The following GRM5 variants were observed in gnomAD, a reference collection of about 807,000 sequenced individuals.
The protein encoded by GRM5 is metabotropic glutamate receptor 5.
In GRM5, 19 loss-of-function variants were observed where a neutral mutation model predicts 83.1. The observed-to-expected ratio is 0.23, with a 90% confidence interval of 0.16 to 0.34. GRM5 has a LOEUF of 0.34. Among genes scored for constraint, GRM5 ranks in the 10% least tolerant of loss-of-function variants. The probability of loss-of-function intolerance (pLI) is 1.00; values close to 1 mark genes in which losing one functional copy is unlikely to be tolerated. For missense variants in GRM5, 1,160 were observed against 1,588.3 expected, an observed-to-expected ratio of 0.73 and a Z score of 4.58; for synonymous variants, 675 against 633.6, an observed-to-expected ratio of 1.07 and a Z score of -0.98.
In GRM5 at chr11:88,597,337, A is replaced by G; in HGVS notation, c.1410T>C (p.Asn470=). 6.6e-7 allele frequency: 1 copy of G among 1,514,346 alleles called. No homozygotes were observed. Among genetic ancestry groups the G allele is most frequent in the Non-Finnish European group, 9.1e-7 (1 of 1,094,206 alleles). 93.8% of individuals were successfully genotyped at this position (1,514,346 alleles called of 1,614,324 possible). The change falls in exon 6 of 10, where the codon AAT becomes AAC. Residue 470 remains asparagine (N), a synonymous_variant. Transcript: ENST00000305447. The part of the protein sequence containing the change: ...GDSPGRYEIM[N]FKEMGKDYFD... The stretch of plus-strand genomic sequence containing the variant: ...AGTAATCTTTTCCCATTTCCTTGAA[A>G]TTCATTATTTCATACCTTAGGAATA...
At chr11:88,547,087 T>A (rs987074855) in intron 8 of GRM5, among the ~76,000 whole-genome samples, 1 of 152,202 alleles carries the variant, frequency 6.6e-6, no homozygotes, top group Non-Finnish European at 1.5e-5. Flanking sequence ...GTTTTACCTA[T>A]ATCTGATTAA....
chr11:88,679,514 TTCAA>T (rs1441123288), intron 3 of GRM5, among the ~76,000 whole-genome samples: 3 of 152,170 alleles, frequency 2.0e-5, no homozygotes, highest in African/African-American at 7.2e-5. Flanking sequence ...AGTATGTATA[TTCAA>T]TCTATCTATC....
At chr11:88,926,902 T>A (rs1945798972) in intron 2 of GRM5, among the ~76,000 whole-genome samples, 1 of 152,176 alleles carries the variant, frequency 6.6e-6, no homozygotes, top group Admixed American at 6.6e-5. Context: ...CTATTTTGAC[T>A]ACATAAATTA....
At chr11:88,779,947 TC>T (rs1304043995) in intron 3 of GRM5, among the ~76,000 whole-genome samples, 2 of 152,152 alleles carry the variant, frequency 1.3e-5, no homozygotes, top group Non-Finnish European at 2.9e-5. Context: ...TTCACTATGT[TC>T]CAGTCATTTT....
intron 7 of GRM5, among the ~76,000 whole-genome samples, chr11:88,573,661 G>C (rs754538456): frequency 5.3e-5 from 8 of 152,196 alleles, no homozygotes; most frequent in Non-Finnish European, 7.3e-5. Context: ...CTAATATGGG[G>C]ATACAGAACT....
intron 4 of GRM5, among the ~76,000 whole-genome samples, chr11:88,641,402 C>T (rs1008875100): frequency 1.3e-5 from 2 of 151,888 alleles, no homozygotes; most frequent in African/African-American, 4.8e-5. Flanking sequence ...TATGCTGCCC[C>T]TGGCCCCTCA....
intron 5 of GRM5, among the ~76,000 whole-genome samples, chr11:88,602,326 C>G (rs1025565425): frequency 7.9e-5 from 12 of 152,114 alleles, no homozygotes; most frequent in African/African-American, 2.9e-4. Context: ...TAACACCTGG[C>G]ACCATGGTTT....
At chr11:88,734,985 GTTCTC>G (rs2135410336) in intron 3 of GRM5, among the ~76,000 whole-genome samples, 1 of 152,032 alleles carries the variant, frequency 6.6e-6, no homozygotes, top group South Asian at 2.1e-4. Flanking sequence ...AAATAAATAA[GTTCTC>G]TAATCTACTC....
At chr11:88,912,903 A>G (rs1189755183) in intron 2 of GRM5, among the ~76,000 whole-genome samples, 1 of 152,190 alleles carries the variant, frequency 6.6e-6, no homozygotes. Flanking sequence ...GGAGGCTGAC[A>G]TGTTCCCAGG....
At chr11:88,627,809 C>A (rs916667719) in intron 4 of GRM5, among the ~76,000 whole-genome samples, 1 of 152,088 alleles carries the variant, frequency 6.6e-6, no homozygotes, top group South Asian at 2.1e-4. Context: ...TAAAGGTAAT[C>A]TCTCCCTCAC....
chr11:88,794,151 T>C (rs1943231207), intron 3 of GRM5, among the ~76,000 whole-genome samples: 1 of 152,180 alleles, frequency 6.6e-6, no homozygotes, highest in Non-Finnish European at 1.5e-5. Context: ...TTAATATACC[T>C]GGAACATGCA....
intron 2 of GRM5, among the ~76,000 whole-genome samples, chr11:88,954,711 T>C (rs919003730): frequency 6.6e-6 from 1 of 152,212 alleles, no homozygotes; most frequent in Non-Finnish European, 1.5e-5. Flanking sequence ...GCCACTGTAG[T>C]AGACAGCACA....
intron 3 of GRM5, among the ~76,000 whole-genome samples, chr11:88,834,942 G>A (rs1402217167): frequency 1.3e-5 from 2 of 152,064 alleles, no homozygotes; most frequent in African/African-American, 2.4e-5. Flanking sequence ...TGACTGAGTT[G>A]AAGAGAACCG....
At chr11:88,988,767 A>G (rs1269534614) in intron 2 of GRM5, among the ~76,000 whole-genome samples, 5,701 of 148,390 alleles carry the variant, frequency 0.038, 341 homozygotes, top group African/African-American at 0.14. Context: ...ACTAAGCTTC[A>G]TAAGTGAAGG....
chr11:88,917,499 C>G (rs1201752215), intron 2 of GRM5, among the ~76,000 whole-genome samples: 1 of 152,108 alleles, frequency 6.6e-6, no homozygotes, highest in Non-Finnish European at 1.5e-5. Flanking sequence ...AAATAAGGCA[C>G]CAATGAGCAA....
intron 3 of GRM5, among the ~76,000 whole-genome samples, chr11:88,712,697 G>A (rs954294908): frequency 2.6e-5 from 4 of 152,040 alleles, no homozygotes; most frequent in East Asian, 3.9e-4. Context: ...CAGGAGACAC[G>A]GGCCATGTCA....
intron 3 of GRM5, among the ~76,000 whole-genome samples, chr11:88,766,534 C>T (rs995490626): frequency 6.6e-6 from 1 of 151,916 alleles, no homozygotes; most frequent in Non-Finnish European, 1.5e-5. Flanking sequence ...CCCTACTTTA[C>T]ACCACACACA....
intron 3 of GRM5, among the ~76,000 whole-genome samples, chr11:88,826,940 A>C (rs1366723825): frequency 6.6e-6 from 1 of 152,200 alleles, no homozygotes; most frequent in Non-Finnish European, 1.5e-5. Flanking sequence ...CAATCTCTTG[A>C]GATGTCATAT....
At chr11:88,910,946 G>T (rs759134988) in intron 2 of GRM5, among the ~76,000 whole-genome samples, 29 of 151,832 alleles carry the variant, frequency 1.9e-4, no homozygotes, top group Non-Finnish European at 1.2e-4. Flanking sequence ...GCTAGAGAAT[G>T]GGAACAAAAA....
Sources: gnomAD v4.1 joint callset for allele counts (sites outside exome capture counted in the v4.1 genomes callset) on GRCh38, gnomAD v4.1.1 for gene constraint, MANE v1.5 for transcripts, NCBI Gene and HGNC (gene_info 2026-07-23, HGNC 2026-07-21) for gene names.